TTC28: variants seen among roughly 807,000 people sequenced by gnomAD.
TTC28 encodes the protein tetratricopeptide repeat domain 28, also known as tetratricopeptide repeat protein 28.
TTC28 carries 61 observed loss-of-function variants against 198.0 expected under a neutral mutation model. The observed-to-expected ratio is 0.31, with a 90% CI of 0.25 to 0.38. The LOEUF (loss-of-function observed/expected upper bound fraction) is 0.38, where lower values mean the gene tolerates loss of function less well. Among genes scored for constraint, TTC28 ranks in the 10% least tolerant of loss-of-function variants. The pLI is 1.00. For synonymous variants in TTC28, 1,171 were observed against 1,297.8 expected, an observed-to-expected ratio of 0.90 and a Z score of 2.10; for missense variants, 2,678 against 3,164.0, an observed-to-expected ratio of 0.85 and a Z score of 3.69.
At chr22:28,480,697 T>G (rs927283207) in intron 2 of TTC28, among the ~76,000 whole-genome samples, 2 of 152,250 alleles carry the variant, frequency 1.3e-5, no homozygotes, top group Non-Finnish European at 2.9e-5. Context: ...AGGCTAATTC[T>G]TTCTAAGACT....
chr22:27,982,456 T>C lies in TTC28; in HGVS notation c.7211A>G (p.Lys2404Arg), dbSNP rs1388857889. The C allele has an allele frequency of 6.4e-7, 1 of 1,551,306 alleles. No individual in the cohort carries two copies. Among genetic ancestry groups the C allele is most frequent in the Non-Finnish European group, 8.7e-7 (1 of 1,146,832 alleles). Residue 2404 changes from lysine (K) to arginine (R), a missense_variant, in exon 23 of 23, where the codon AAG becomes AGG. Coordinates refer to ENST00000397906, the MANE Select transcript of TTC28 (RefSeq NM_001145418.2). The surrounding 1 kb of genome is among the most constrained non-coding windows in gnomAD (Gnocchi z 5.2). Reference sequence around the variant, plus strand: ...TTCAAGCTTATCCACTCCCTCCTCCTTCTTATTGTGCCGTGGTGACAAATT... The same window carrying C: ...TTCAAGCTTATCCACTCCCTCCTCCCTCTTATTGTGCCGTGGTGACAAATT... ...LLNLSPRHNK[K>R]EEGVDKLELK...
At chr22:28,118,252 A>G (rs1942688754) in intron 6 of TTC28, among the ~76,000 whole-genome samples, 2 of 152,250 alleles carry the variant, frequency 1.3e-5, no homozygotes, top group East Asian at 3.9e-4. Flanking sequence ...TACAAAAATC[A>G]GCTGGGCATG....
chr22:27,997,606 C>G (rs1027675397), intron 16 of TTC28: 11 of 152,256 alleles, frequency 7.2e-5, no homozygotes, highest in African/African-American at 2.7e-4. Flanking sequence ...GAGACACTTT[C>G]AGACACTCTG....
intron 5 of TTC28, among the ~76,000 whole-genome samples, chr22:28,215,301 A>G (rs1188114426): frequency 3.9e-5 from 6 of 152,136 alleles, no homozygotes; most frequent in Admixed American, 3.9e-4. Flanking sequence ...ATAAATAAAG[A>G]AGACTGGATC....
intron 5 of TTC28, among the ~76,000 whole-genome samples, chr22:28,209,037 G>A (rs1926658548): frequency 6.6e-6 from 1 of 152,156 alleles, no homozygotes; most frequent in Non-Finnish European, 1.5e-5. Context: ...CCTGCAAACA[G>A]CCTTAGCATA....
At chr22:28,152,076 T>C (rs1183652244) in intron 6 of TTC28, among the ~76,000 whole-genome samples, 2 of 152,204 alleles carry the variant, frequency 1.3e-5, no homozygotes, top group African/African-American at 4.8e-5. Flanking sequence ...ATAAACTGTA[T>C]GAATTTGGGC....
At chr22:28,146,772 G>T (rs1399468470) in intron 6 of TTC28, among the ~76,000 whole-genome samples, 1 of 151,966 alleles carries the variant, frequency 6.6e-6, no homozygotes, top group East Asian at 1.9e-4. Flanking sequence ...TAAGTGGCCA[G>T]CTCTGACAAT....
At chr22:28,439,912 C>T (rs1422840541) in intron 2 of TTC28, among the ~76,000 whole-genome samples, 3 of 151,932 alleles carry the variant, frequency 2.0e-5, no homozygotes, top group East Asian at 1.9e-4. Context: ...CTCGGCTCAC[C>T]GCAACCTCCA....
intron 6 of TTC28, among the ~76,000 whole-genome samples, chr22:28,162,669 G>A (rs1921347967): frequency 6.6e-6 from 1 of 152,174 alleles, no homozygotes; most frequent in Admixed American, 6.5e-5. Context: ...AAAGAAAGAG[G>A]CCAGGTACGG....
chr22:28,267,915 C>G (rs1931789704), intron 5 of TTC28, among the ~76,000 whole-genome samples: 1 of 152,174 alleles, frequency 6.6e-6, no homozygotes, highest in Non-Finnish European at 1.5e-5. Context: ...GGGACTACGA[C>G]TGGTCAGCTG....
In TTC28 at chr22:28,163,611, A is replaced by T. The variant is rs1921503072; in HGVS notation, c.934-12T>A. The T allele has an allele frequency of 1.3e-6, 2 of 1,503,156 alleles. No individual in the cohort carries two copies. Among genetic ancestry groups the T allele is most frequent in the African/African-American group, 2.8e-5 (2 of 71,080 alleles). 93.1% of individuals were successfully genotyped at this position (1,503,156 alleles called of 1,614,324 possible). ...GCTGATGAAGCTGCCTGGAGAGAAA[A>T]GGATAAAGTGGAGAAATGAAAACAC... On this transcript the variant is annotated splice_polypyrimidine_tract_variant and intron_variant, in intron 5 of 22. Transcript: ENST00000397906.
At chr22:28,400,863 A>AG (rs1569305952) in intron 2 of TTC28, among the ~76,000 whole-genome samples, 4 of 152,334 alleles carry the variant, frequency 2.6e-5, no homozygotes, top group Middle Eastern at 3.4e-3. Flanking sequence ...ATTCTAAACA[A>AG]GTACACATAA....
intron 6 of TTC28, among the ~76,000 whole-genome samples, chr22:28,125,037 G>T (rs1942880943): frequency 6.6e-6 from 1 of 152,166 alleles, no homozygotes; most frequent in African/African-American, 2.4e-5. Flanking sequence ...AAATAATAGT[G>T]GCGATAATGA....
chr22:28,086,385 A>C (rs1311707427), intron 12 of TTC28, among the ~76,000 whole-genome samples: 1 of 152,188 alleles, frequency 6.6e-6, no homozygotes, highest in Non-Finnish European at 1.5e-5. Flanking sequence ...AACTACATGG[A>C]AACTGAACAA....
intron 5 of TTC28, among the ~76,000 whole-genome samples, chr22:28,203,430 T>C (rs1926139872): frequency 3.3e-5 from 5 of 152,144 alleles, no homozygotes; most frequent in Admixed American, 3.3e-4. Context: ...ATGTTCTTCA[T>C]ATCTGTTCAG....
At chr22:28,492,962 G>T (rs946713250) in intron 2 of TTC28, among the ~76,000 whole-genome samples, 1 of 149,706 alleles carries the variant, frequency 6.7e-6, no homozygotes, top group Non-Finnish European at 1.5e-5. Flanking sequence ...TCAGCTTAAA[G>T]AGGCTTAATG....
At chr22:28,409,004 T>C (rs1444415080) in intron 2 of TTC28, among the ~76,000 whole-genome samples, 1 of 152,240 alleles carries the variant, frequency 6.6e-6, no homozygotes, top group Non-Finnish European at 1.5e-5. Flanking sequence ...CATAGAGGAA[T>C]CAGTTCCAAG....
chr22:28,044,839 A>G (rs1418007883), intron 12 of TTC28, among the ~76,000 whole-genome samples: 2 of 152,146 alleles, frequency 1.3e-5, no homozygotes, highest in Non-Finnish European at 2.9e-5. Flanking sequence ...TCTATACTTA[A>G]GTGTTAAAGT....
intron 2 of TTC28, among the ~76,000 whole-genome samples, chr22:28,400,402 A>G (rs912891750): frequency 6.6e-6 from 1 of 152,224 alleles, no homozygotes; most frequent in Non-Finnish European, 1.5e-5. Flanking sequence ...TTGAAAAGGC[A>G]CATATTCTAT....
Sources: allele counts gnomAD v4.1 joint callset (sites outside exome capture counted in the v4.1 genomes callset), GRCh38; gene constraint gnomAD v4.1.1; non-coding constraint Gnocchi (gnomAD v3.1); transcripts MANE v1.5; gene names NCBI Gene and HGNC (gene_info 2026-07-23, HGNC 2026-07-21).